KCNH8: variants seen among roughly 807,000 people sequenced by gnomAD.
KCNH8 encodes potassium voltage-gated channel subfamily H member 8, also known as voltage-gated delayed rectifier potassium channel KCNH8.
A neutral mutation model predicts 103.6 loss-of-function variants in KCNH8; 70 were observed. The ratio of observed to expected loss-of-function variants is 0.68; its 90% CI spans 0.56 to 0.82. The LOEUF (loss-of-function observed/expected upper bound fraction) is 0.82, where lower values mean the gene tolerates loss of function less well. KCNH8 is among the 40% of genes least tolerant of loss of function. KCNH8 has a pLI of 0.00. For synonymous variants in KCNH8, 498 were observed against 489.4 expected (o/e 1.02, Z -0.23); for missense variants, 1,217 against 1,329.9 (o/e 0.92, Z 1.32).
chr3:19,195,754 T>A (rs77745480), intron 1 of KCNH8, among the ~76,000 whole-genome samples: 1 of 152,056 alleles, frequency 6.6e-6, no homozygotes, highest in African/African-American at 2.4e-5. Flanking sequence ...CTAGAGCAAG[T>A]GACTCAAGAA....
intron 11 of KCNH8, among the ~76,000 whole-genome samples, chr3:19,472,060 A>G (rs2067870042): frequency 1.3e-5 from 2 of 152,162 alleles, no homozygotes; most frequent in South Asian, 4.1e-4. Flanking sequence ...CAAGTGAATA[A>G]TTCAGTTGTG....
chr3:19,459,229 G>A (rs1042412086), intron 11 of KCNH8, among the ~76,000 whole-genome samples: 1 of 151,654 alleles, frequency 6.6e-6, no homozygotes, highest in Non-Finnish European at 1.5e-5. Context: ...GTGTGCAGGG[G>A]TTCCTTTTTT....
At chr3:19,237,271 C>T (rs530107576) in intron 1 of KCNH8, among the ~76,000 whole-genome samples, 1 of 152,264 alleles carries the variant, frequency 6.6e-6, no homozygotes, top group East Asian at 1.9e-4. Context: ...TGCCCATGGC[C>T]TCTGTGGGAA....
chr3:19,480,622 G>GA (rs1245760428), intron 11 of KCNH8, among the ~76,000 whole-genome samples: 1 of 152,156 alleles, frequency 6.6e-6, no homozygotes, highest in African/African-American at 2.4e-5. Context: ...CAACATTAGA[G>GA]AATACAATAG....
intron 11 of KCNH8, among the ~76,000 whole-genome samples, chr3:19,506,062 A>C (rs1193980428): frequency 6.6e-6 from 1 of 152,170 alleles, no homozygotes; most frequent in African/African-American, 2.4e-5. Context: ...GAATCATTTT[A>C]TGGTACTCAT....
chr3:19,310,672 T>C (rs1480655551), intron 3 of KCNH8, among the ~76,000 whole-genome samples: 1 of 107,792 alleles, frequency 9.3e-6, no homozygotes, highest in African/African-American at 4.1e-5. Context: ...AGATAGCTAT[T>C]CTTGAGTTCA....
At chr3:19,364,272 T>G (rs997604222) in intron 5 of KCNH8, among the ~76,000 whole-genome samples, 1 of 152,228 alleles carries the variant, frequency 6.6e-6, no homozygotes, top group East Asian at 1.9e-4. Flanking sequence ...TTGAGGAGAC[T>G]CCTTCCAGTT....
intron 7 of KCNH8, among the ~76,000 whole-genome samples, chr3:19,404,413 T>C (rs1477256435): frequency 2.0e-5 from 3 of 151,968 alleles, no homozygotes; most frequent in African/African-American, 7.2e-5. Flanking sequence ...TTTGAGTATT[T>C]TCTCCAAGGA....
At chr3:19,186,708 G>A (rs898754283) in intron 1 of KCNH8, among the ~76,000 whole-genome samples, 3 of 151,918 alleles carry the variant, frequency 2.0e-5, no homozygotes, top group Non-Finnish European at 2.9e-5. Flanking sequence ...CAGATGTTAC[G>A]AAGTTCAAAG....
intron 1 of KCNH8, among the ~76,000 whole-genome samples, chr3:19,186,618 GAA>G (rs2125206491): frequency 6.6e-6 from 1 of 151,954 alleles, no homozygotes; most frequent in Admixed American, 6.6e-5. Context: ...TTTTAAAAAA[GAA>G]AAATCGTAAC....
intron 3 of KCNH8, among the ~76,000 whole-genome samples, chr3:19,283,448 T>C (rs1036023573): frequency 1.3e-5 from 2 of 152,192 alleles, no homozygotes; most frequent in Non-Finnish European, 2.9e-5. Context: ...CAAAATATGA[T>C]TTAATTTTTT....
At chr3:19,423,737 A>G (rs1220711837) in intron 7 of KCNH8, among the ~76,000 whole-genome samples, 1 of 152,060 alleles carries the variant, frequency 6.6e-6, no homozygotes, top group African/African-American at 2.4e-5. Context: ...GTGCTGCTGT[A>G]AACATTTGTG....
chr3:19,348,309 C>T (rs1011172200), intron 5 of KCNH8, among the ~76,000 whole-genome samples: 1 of 152,066 alleles, frequency 6.6e-6, no homozygotes, highest in Non-Finnish European at 1.5e-5. Flanking sequence ...AAAAACCCAC[C>T]AGTGGTGTTG....
chr3:19,357,075 C>A (rs919413475), intron 5 of KCNH8, among the ~76,000 whole-genome samples: 1 of 151,798 alleles, frequency 6.6e-6, no homozygotes, highest in African/African-American at 2.4e-5. Flanking sequence ...CTGTTCTAAA[C>A]CATTGCTAAT....
intron 1 of KCNH8, among the ~76,000 whole-genome samples, chr3:19,153,901 G>A (rs2063155435): frequency 6.6e-6 from 1 of 151,722 alleles, no homozygotes; most frequent in South Asian, 2.1e-4. Context: ...CAAAGTGCTG[G>A]GATTACAGGC....
chr3:19,206,350 G>T (rs542061762), intron 1 of KCNH8, among the ~76,000 whole-genome samples: 1 of 150,992 alleles, frequency 6.6e-6, no homozygotes, highest in South Asian at 2.1e-4. Context: ...TTTGCAAATT[G>T]TGCTGCTATA....
At chr3:19,532,816 G>C (rs1199905986) in intron 15 of KCNH8, among the ~76,000 whole-genome samples, 4 of 152,198 alleles carry the variant, frequency 2.6e-5, no homozygotes, top group African/African-American at 7.2e-5. Flanking sequence ...TTCAGAATGA[G>C]GATGTCTTTA....
chr3:19,485,044 G>A (rs12493498), intron 11 of KCNH8, among the ~76,000 whole-genome samples: 15,114 of 152,054 alleles, frequency 0.099, 935 homozygotes, highest in Middle Eastern at 0.19. Flanking sequence ...TTGATAGTCC[G>A]ATTCATTCAC....
intron 4 of KCNH8, among the ~76,000 whole-genome samples, chr3:19,347,045 A>T (rs2065738612): frequency 6.6e-6 from 1 of 152,048 alleles, no homozygotes; most frequent in South Asian, 2.1e-4. Context: ...CCATGACTTG[A>T]CTAATAACTC....
Sources: gnomAD v4.1 joint callset for allele counts (sites outside exome capture counted in the v4.1 genomes callset) on GRCh38, gnomAD v4.1.1 for gene constraint, MANE v1.5 for transcripts, NCBI Gene and HGNC (gene_info 2026-07-23, HGNC 2026-07-21) for gene names.